The following GRM7 variants were observed in gnomAD, a reference collection of about 807,000 sequenced individuals.
GRM7 encodes glutamate metabotropic receptor 7.
A neutral mutation model predicts 84.5 loss-of-function variants in GRM7; 35 were observed. The ratio of observed to expected loss-of-function variants is 0.41; its 90% CI spans 0.32 to 0.55. The LOEUF is 0.55. Ranked by LOEUF, GRM7 falls within the 20% of genes least tolerant of loss-of-function variation. GRM7 has a pLI of 0.19. For missense variants in GRM7, 1,003 were observed against 1,194.6 expected, an observed-to-expected ratio of 0.84 and a Z score of 2.36; for synonymous variants, 487 against 455.1, an observed-to-expected ratio of 1.07 and a Z score of -0.89.
chr3:7,029,175 A>G (rs1267793401), intron 1 of GRM7, among the ~76,000 whole-genome samples: 1 of 152,006 alleles, frequency 6.6e-6, no homozygotes, highest in Admixed American at 6.6e-5. Flanking sequence ...GTGGTTGCAC[A>G]CACTTGTAAT....
intron 2 of GRM7, among the ~76,000 whole-genome samples, chr3:7,187,560 T>C (rs1695562126): frequency 6.6e-6 from 1 of 152,184 alleles, no homozygotes; most frequent in Non-Finnish European, 1.5e-5. Context: ...GCAACAGTGT[T>C]ACAGGTCTGA....
chr3:7,466,228 A>G (rs1389244157), intron 7 of GRM7, among the ~76,000 whole-genome samples: 2 of 152,124 alleles, frequency 1.3e-5, no homozygotes, highest in African/African-American at 4.8e-5. Context: ...CAAGAGGCAG[A>G]TCCATGCACC....
chr3:7,625,717 T>TCATCCAGC (rs1697577540), intron 8 of GRM7, among the ~76,000 whole-genome samples: 1 of 152,184 alleles, frequency 6.6e-6, no homozygotes, highest in African/African-American at 2.4e-5. Context: ...ATATTCCCTG[T>TCATCCAGC]CTGCTTCTGC....
intron 1 of GRM7, among the ~76,000 whole-genome samples, chr3:7,076,711 G>A (rs930337424): frequency 6.6e-6 from 1 of 152,094 alleles, no homozygotes; most frequent in African/African-American, 2.4e-5. Flanking sequence ...TCAAAGGTGA[G>A]ATCATGAAGC....
chr3:7,674,081 A>G (rs1700037214), intron 8 of GRM7, among the ~76,000 whole-genome samples: 1 of 152,234 alleles, frequency 6.6e-6, no homozygotes, highest in Non-Finnish European at 1.5e-5. Context: ...TAACAATAGT[A>G]TCAGGGGCAG....
chr3:7,547,194 CTTTTTTTTTTTTT>C (rs55678792), intron 7 of GRM7, among the ~76,000 whole-genome samples: 30 of 76,428 alleles, frequency 3.9e-4, no homozygotes, highest in African/African-American at 1.5e-3. Context: ...AGAGTGAATT[CTTTTTTTTTTTTT>C]TTTTTTTTTT....
Position 7,314,021 on chromosome 3 carries a change from A to T in GRM7, c.1033+7369A>T, listed in dbSNP as rs1177327072. Among the ~76,000 whole-genome samples the T allele has an allele frequency of 3.3e-5, 5 of 152,312 alleles. No homozygotes were observed. The East Asian group carries it at 9.6e-4, about 29-fold the overall frequency. On this transcript the variant is annotated intron_variant, in intron 4 of 9. Transcript: ENST00000357716. ...TCCTGAATTTTAATTCTAAAGAAAA[A>T]AGCAGAACGCCAGTGTCTTGATAAA... is the stretch of plus-strand genomic sequence containing the variant.
intron 8 of GRM7, among the ~76,000 whole-genome samples, chr3:7,653,951 C>A (rs2125116904): frequency 6.6e-6 from 1 of 152,258 alleles, no homozygotes; most frequent in Non-Finnish European, 1.5e-5. Context: ...TGCTGGCACC[C>A]CTGCTACTCC....
chr3:7,450,512 G>A (rs1193434574), intron 5 of GRM7, among the ~76,000 whole-genome samples: 5 of 152,102 alleles, frequency 3.3e-5, no homozygotes, highest in Non-Finnish European at 7.3e-5. Flanking sequence ...TTTTTAGACT[G>A]TTAGACATGA....
At chr3:6,916,933 T>G (rs1404403762) in intron 1 of GRM7, among the ~76,000 whole-genome samples, 1 of 152,150 alleles carries the variant, frequency 6.6e-6, no homozygotes, top group African/African-American at 2.4e-5. Context: ...TGAGATGGAT[T>G]CAAAACAATC....
At chr3:7,632,553 G>T (rs542089123) in intron 8 of GRM7, among the ~76,000 whole-genome samples, 1 of 152,310 alleles carries the variant, frequency 6.6e-6, no homozygotes, top group Non-Finnish European at 1.5e-5. Flanking sequence ...TTGCCTTGGG[G>T]CTGTTTTCCA....
intron 4 of GRM7, among the ~76,000 whole-genome samples, chr3:7,337,991 A>C (rs1701486769): frequency 6.6e-6 from 1 of 151,936 alleles, no homozygotes; most frequent in Non-Finnish European, 1.5e-5. Context: ...TAAAAATATG[A>C]AACCAGCCTA....
chr3:7,144,236 T>G (rs1694038640), intron 1 of GRM7, among the ~76,000 whole-genome samples: 1 of 152,216 alleles, frequency 6.6e-6, no homozygotes. Context: ...CTTTGTGACC[T>G]GAGGCAAGGT....
intron 7 of GRM7, among the ~76,000 whole-genome samples, chr3:7,552,814 AGTT>A (rs1480128150): frequency 6.6e-6 from 1 of 152,220 alleles, no homozygotes; most frequent in East Asian, 1.9e-4. Flanking sequence ...TGATGGGAGA[AGTT>A]GCTGTGAAGA....
intron 9 of GRM7, among the ~76,000 whole-genome samples, chr3:7,707,782 A>G (rs572611300): frequency 1.3e-5 from 2 of 152,140 alleles, no homozygotes; most frequent in East Asian, 3.9e-4. Context: ...TTCTTTAACT[A>G]TGGCCTCTCT....
intron 1 of GRM7, among the ~76,000 whole-genome samples, chr3:6,925,777 T>C (rs531548580): frequency 6.6e-6 from 1 of 152,338 alleles, no homozygotes; most frequent in East Asian, 1.9e-4. Context: ...CCATTGATCC[T>C]ACCTTGTCCT....
intron 1 of GRM7, chr3:6,956,664 A>T (rs186399751): frequency 2.2e-6 from 1 of 455,998 alleles, no homozygotes; most frequent in Non-Finnish European, 4.4e-6. Flanking sequence ...CCTGCTCAGT[A>T]CTGCTCACAT....
At chr3:6,968,631 A>C (rs1261828483) in intron 1 of GRM7, among the ~76,000 whole-genome samples, 1 of 152,186 alleles carries the variant, frequency 6.6e-6, no homozygotes, top group African/African-American at 2.4e-5. Context: ...TTTTGTTCTC[A>C]TTATCATTAT....
intron 8 of GRM7, among the ~76,000 whole-genome samples, chr3:7,585,790 C>T (rs1439401510): frequency 1.3e-5 from 2 of 152,118 alleles, no homozygotes; most frequent in African/African-American, 2.4e-5. Flanking sequence ...CTCAAAGCAT[C>T]AGAGACCATC....
Sources: gnomAD v4.1 joint callset for allele counts (sites outside exome capture counted in the v4.1 genomes callset) on GRCh38, gnomAD v4.1.1 for gene constraint, MANE v1.5 for transcripts, NCBI Gene and HGNC (gene_info 2026-07-23, HGNC 2026-07-21) for gene names.